VTI1A: variants seen among roughly 807,000 people sequenced by gnomAD.
VTI1A encodes the protein vesicle transport through interaction with t-SNAREs homolog 1A.
A neutral mutation model predicts 34.9 loss-of-function variants in VTI1A; 22 were observed. The observed-to-expected ratio is 0.63, with a 90% CI of 0.45 to 0.90. The LOEUF (loss-of-function observed/expected upper bound fraction) is 0.90. Among genes scored for constraint, VTI1A ranks in the 40% least tolerant of loss-of-function variants. VTI1A has a pLI of 0.00. For missense variants in VTI1A, 268 were observed against 275.6 expected, an observed-to-expected ratio of 0.97 and a Z score of 0.20; for synonymous variants, 87 against 97.3, an observed-to-expected ratio of 0.89 and a Z score of 0.62.
At chr10:112,543,761 A>G (rs1009394104) in intron 5 of VTI1A, among the ~76,000 whole-genome samples, 7 of 152,322 alleles carry the variant, frequency 4.6e-5, no homozygotes, top group Admixed American at 2.6e-4. Context: ...GCCCACGCCT[A>G]TGTCCTGAAT....
chr10:112,813,305 C>T (rs1044478093), intron 7 of VTI1A, among the ~76,000 whole-genome samples: 2 of 152,224 alleles, frequency 1.3e-5, no homozygotes, highest in Non-Finnish European at 2.9e-5. Context: ...TCTAAATTAG[C>T]ATCATGGATG....
At chr10:112,564,205 T>G (rs1851825830) in intron 5 of VTI1A, among the ~76,000 whole-genome samples, 1 of 152,048 alleles carries the variant, frequency 6.6e-6, no homozygotes, top group African/African-American at 2.4e-5. Flanking sequence ...AAAAAAGCTT[T>G]TGGAATTAAA....
downstream of VTI1A, among the ~76,000 whole-genome samples, chr10:112,821,277 A>T (rs1257882150): frequency 6.6e-6 from 1 of 151,564 alleles, no homozygotes; most frequent in Non-Finnish European, 1.5e-5. Context: ...GAGAGCTGCC[A>T]GGGCTTTTCC....
At chr10:112,766,475 A>T (rs759322760) in intron 7 of VTI1A, among the ~76,000 whole-genome samples, 3 of 152,216 alleles carry the variant, frequency 2.0e-5, no homozygotes, top group Non-Finnish European at 4.4e-5. Context: ...TTGGTATCTG[A>T]TTCTTACCTG....
chr10:112,832,099 A>G, the VTI1A span: 7 of 152,178 alleles, frequency 4.6e-5, no homozygotes, highest in African/African-American at 1.7e-4. Context: ...AAACTTTTAC[A>G]AGGGAGACTT....
chr10:112,634,682 TC>T (rs556241778), intron 5 of VTI1A, among the ~76,000 whole-genome samples: 1 of 152,168 alleles, frequency 6.6e-6, no homozygotes, highest in Non-Finnish European at 1.5e-5. Context: ...ACTCAGCATC[TC>T]CATTAGACAA....
chr10:112,612,698 A>G (rs1247888008), intron 5 of VTI1A, among the ~76,000 whole-genome samples: 1 of 152,246 alleles, frequency 6.6e-6, no homozygotes, highest in East Asian at 1.9e-4. Context: ...CACTGGGATT[A>G]TAGGCATGAG....
At chr10:112,625,999 C>T (rs1845910331) in intron 5 of VTI1A, among the ~76,000 whole-genome samples, 1 of 152,192 alleles carries the variant, frequency 6.6e-6, no homozygotes. Context: ...ACTGTTTTGT[C>T]TATTCTAATC....
chr10:112,848,256 G>C, the VTI1A span, among the ~76,000 whole-genome samples: 1 of 152,172 alleles, frequency 6.6e-6, no homozygotes, highest in Non-Finnish European at 1.5e-5. Flanking sequence ...TTCTTTGTGT[G>C]GCCAGGTGTA....
At chr10:112,718,400 G>A (rs992595261) in intron 7 of VTI1A, among the ~76,000 whole-genome samples, 5 of 152,210 alleles carry the variant, frequency 3.3e-5, no homozygotes, top group African/African-American at 1.2e-4. Flanking sequence ...TGAAGCATTA[G>A]CATGTTCGTG....
intron 5 of VTI1A, among the ~76,000 whole-genome samples, chr10:112,598,958 C>A (rs1189270351): frequency 6.6e-6 from 1 of 152,164 alleles, no homozygotes; most frequent in African/African-American, 2.4e-5. Context: ...TCAATAATAA[C>A]AAGAAACCAA....
intron 7 of VTI1A, among the ~76,000 whole-genome samples, chr10:112,742,645 A>G (rs912070073): frequency 6.6e-6 from 1 of 152,246 alleles, no homozygotes; most frequent in Non-Finnish European, 1.5e-5. Context: ...TCAAGTTTGT[A>G]GGAAAATGCA....
rs73363094 is a variant in VTI1A, at chr10:112,495,618, T to C, written c.264+30961T>C. Among the ~76,000 whole-genome samples, 1,247 of 152,298 alleles carry C rather than the reference T, an allele frequency of 8.2e-3. 23 individuals are homozygous for C. Among genetic ancestry groups the C allele is most frequent in the African/African-American group, 0.028 (1,181 of 41,552 alleles). On this transcript the variant is annotated intron_variant, in intron 3 of 7. Transcript: ENST00000393077. ...CCAGTGGAGAAATTAAATAGCCAGTTTGAGTTCAGAAGAGAGTTAAATATC... is the reference window on the plus strand; with the variant it reads ...CCAGTGGAGAAATTAAATAGCCAGTCTGAGTTCAGAAGAGAGTTAAATATC...
chr10:112,447,590 C>T, intron 1 of VTI1A, 123 bp downstream of exon 1: 1 of 1,118,480 alleles, frequency 8.9e-7, no homozygotes, highest in Non-Finnish European at 1.3e-6. Context: ...GCCGGCTGTT[C>T]CCAGGAGGGA....
chr10:112,682,954 T>A (rs557465396), intron 7 of VTI1A, among the ~76,000 whole-genome samples: 19 of 152,330 alleles, frequency 1.2e-4, no homozygotes, highest in African/African-American at 4.6e-4. Context: ...AAGTTCCTCT[T>A]CCCTCTGCCC....
chr10:112,791,995 G>T (rs1305783948), intron 7 of VTI1A, among the ~76,000 whole-genome samples: 1 of 152,154 alleles, frequency 6.6e-6, no homozygotes, highest in African/African-American at 2.4e-5. Context: ...TGTGGACTCG[G>T]CCAGGCACGA....
chr10:112,838,199 C>A, the VTI1A span, among the ~76,000 whole-genome samples: 10 of 152,134 alleles, frequency 6.6e-5, no homozygotes, highest in African/African-American at 2.4e-4. Flanking sequence ...CTCCCCACTG[C>A]TCTGTGTATT....
intron 7 of VTI1A, among the ~76,000 whole-genome samples, chr10:112,712,297 T>C (rs768182029): frequency 2.0e-5 from 3 of 152,122 alleles, no homozygotes; most frequent in Non-Finnish European, 4.4e-5. Context: ...CAGAAGGAAG[T>C]TGGAGTCCTC....
intron 7 of VTI1A, among the ~76,000 whole-genome samples, chr10:112,797,113 C>T (rs147270777): frequency 3.3e-5 from 5 of 152,226 alleles, no homozygotes; most frequent in East Asian, 1.9e-4. Context: ...AACCAAAAAG[C>T]GGAGTAAAAA....
Sources: gnomAD v4.1 joint callset for allele counts (sites outside exome capture counted in the v4.1 genomes callset) on GRCh38, gnomAD v4.1.1 for gene constraint, MANE v1.5 for transcripts, NCBI Gene and HGNC (gene_info 2026-07-23, HGNC 2026-07-21) for gene names.